Variants in PGAM5 observed in about 807,000 individuals in gnomAD.
PGAM5 encodes serine/threonine-protein phosphatase PGAM5, mitochondrial.
A neutral mutation model predicts 30.6 loss-of-function variants in PGAM5; 25 were observed. That is an observed-to-expected ratio of 0.82 (90% CI 0.60 to 1.14). PGAM5 has a LOEUF of 1.14. Among genes scored for constraint, PGAM5 ranks in the 50% most tolerant of loss-of-function variants. The pLI, the probability that PGAM5 is intolerant of heterozygous loss-of-function variation, is 0.00. For missense variants in PGAM5, 384 were observed against 408.5 expected, an observed-to-expected ratio of 0.94 and a Z score of 0.52; for synonymous variants, 201 against 179.1, an observed-to-expected ratio of 1.12 and a Z score of -0.98.
At chr12:132,711,289 C>A in intron 1 of PGAM5, 1 of 299,328 alleles carries the variant, frequency 3.3e-6, no homozygotes, top group Non-Finnish European at 6.0e-6. Context: ...AGCTCCGTCG[C>A]GTCCTCGCCC....
At chr12:132,720,562 T>A in intron 5 of PGAM5, 116 bp from the exon 6 acceptor site, 1 of 1,106,178 alleles carries the variant, frequency 9.0e-7, no homozygotes, top group Non-Finnish European at 1.3e-6. Flanking sequence ...CCGCCTGGCC[T>A]CCCAAAGTGC....
At chr12:132,711,702 C>T (rs561642463) in intron 1 of PGAM5, 1 of 151,954 alleles carries the variant, frequency 6.6e-6, no homozygotes, top group Non-Finnish European at 1.5e-5. Flanking sequence ...AGGAGGATCC[C>T]TTGAGTCCAG....
chr12:132,717,295 T>G, intron 2 of PGAM5, 144 bp from the exon 3 acceptor site: 5 of 905,302 alleles, frequency 5.5e-6, no homozygotes, highest in Non-Finnish European at 8.1e-6. Flanking sequence ...AGGGGTCGTG[T>G]TTGCGGGCGG....
chr12:132,714,174 A>T (rs994788932), intron 1 of PGAM5, among the ~76,000 whole-genome samples: 1 of 151,608 alleles, frequency 6.6e-6, no homozygotes, highest in Non-Finnish European at 1.5e-5. Context: ...TGTGCCACCA[A>T]GCCCGGCTAA....
At chr12:132,712,517 T>C (rs1199420654) in intron 1 of PGAM5, among the ~76,000 whole-genome samples, 2 of 152,120 alleles carry the variant, frequency 1.3e-5, no homozygotes, top group Non-Finnish European at 2.9e-5. Flanking sequence ...AGTGCAATGG[T>C]GCAATCTCGG....
chr12:132,717,638 G>C, intron 3 of PGAM5, 72 bp from the exon 4 acceptor site: 3 of 1,591,384 alleles, frequency 1.9e-6, no homozygotes. Flanking sequence ...CTGAGCTCCT[G>C]GCCACCGGGA....
chr12:132,711,729 A>G (rs929763701), intron 1 of PGAM5: 1 of 151,702 alleles, frequency 6.6e-6, no homozygotes, highest in Non-Finnish European at 1.5e-5. Flanking sequence ...CAGGCTGCAC[A>G]GTGTGAGCCG....
chr12:132,715,973 T>A (rs900797318), intron 2 of PGAM5, among the ~76,000 whole-genome samples: 3 of 152,216 alleles, frequency 2.0e-5, no homozygotes, highest in Admixed American at 6.5e-5. Flanking sequence ...ATTTTATACC[T>A]GCTTGATGCC....
At chr12:132,717,882 G>A in intron 4 of PGAM5, 84 bp downstream of exon 4, 2 of 1,595,254 alleles carry the variant, frequency 1.3e-6, no homozygotes, top group East Asian at 2.3e-5. Context: ...TCCACCACGT[G>A]CCCGGCCGTC....
intron 1 of PGAM5, among the ~76,000 whole-genome samples, chr12:132,713,507 A>G (rs781547254): frequency 4.6e-5 from 7 of 152,028 alleles, no homozygotes; most frequent in African/African-American, 7.2e-5. Context: ...ATACCTGCCA[A>G]TTTGAGTCTT....
Position 132,718,893 on chromosome 12 carries a change from G to C in PGAM5, c.719+773G>C, listed in dbSNP as rs567212997. ...GGGTGTCCGCTCCCCTCTGGGTCGA[G>C]GCCACAGCTGAGTCACGTTGCTGCT... On this transcript the variant is annotated intron_variant, in intron 5 of 5. Transcript: ENST00000498926. The C allele has an allele frequency of 7.5e-5, 120 of 1,602,244 alleles. No homozygotes were observed. The African/African-American group carries it at 1.5e-3, about 20-fold the overall frequency.
chr12:132,718,711 C>T (rs2043612856), intron 5 of PGAM5: 11 of 1,589,772 alleles, frequency 6.9e-6, no homozygotes, highest in Non-Finnish European at 8.6e-6. Context: ...GTCCTGTTTC[C>T]CCTCAAACTC....
In PGAM5 at chr12:132,715,004, C is replaced by T; in HGVS notation, c.338C>T (p.Ser113Phe). 3 of 1,613,110 alleles carry T rather than the reference C, an allele frequency of 1.9e-6. No individual in the cohort carries two copies. Among genetic ancestry groups the T allele is most frequent in the Non-Finnish European group, 2.5e-6 (3 of 1,179,896 alleles). Residue 113 changes from serine to phenylalanine, a missense_variant, in exon 2 of 6, where the codon TCC (serine) becomes TTC (phenylalanine). Ser to Phe is a radical substitution (Grantham distance 155, BLOSUM62 -2). Coordinates refer to ENST00000498926, the MANE Select transcript of PGAM5 (RefSeq NM_001170543.2). ...IRHSQYHVDGSLEKDRTLTPL... is the reference protein window; with the variant it reads ...IRHSQYHVDGFLEKDRTLTPL... ...CATTCCCAGTACCACGTGGATGGCTCCCTGGAGAAGGACCGCACTCTGACC... is the reference window on the plus strand; with the variant it reads ...CATTCCCAGTACCACGTGGATGGCTTCCTGGAGAAGGACCGCACTCTGACC...
rs772403405 is a variant in PGAM5, at chr12:132,717,789, G to T, written c.576G>T (p.Pro192=). The T allele has an allele frequency of 1.0e-5, 16 of 1,585,674 alleles. No homozygotes were observed. Among genetic ancestry groups the T allele is most frequent in the Non-Finnish European group, 1.4e-5 (16 of 1,166,106 alleles). The change falls in exon 4 of 6, where the codon CCG becomes CCT. Residue 192 remains proline (P), a synonymous_variant. Transcript: ENST00000498926. ...EPDPPVSHWK[P]EAVQYYEDGA... ...ACCCGCCCGTGTCTCATTGGAAGCC[G>T]GAAGCTGTGGTAAAAACCTCCCCGG...
chr12:132,718,954 C>G, intron 5 of PGAM5: 1 of 1,513,500 alleles, frequency 6.6e-7, no homozygotes, highest in Non-Finnish European at 8.8e-7. Flanking sequence ...GTCCCTCAAC[C>G]TGCTCTGGTG....
chr12:132,718,845 C>T, intron 5 of PGAM5: 1 of 1,613,258 alleles, frequency 6.2e-7, no homozygotes, highest in Non-Finnish European at 8.5e-7. Context: ...GCGCTCCCAC[C>T]CGTGTGCCAG....
chr12:132,717,979 G>T lies in PGAM5; in HGVS notation c.586-8G>T, dbSNP rs2043599986. On this transcript the variant is annotated splice_polypyrimidine_tract_variant and splice_region_variant and intron_variant, in intron 4 of 5. Transcript: ENST00000498926. ...TTCCGCACTGACGGCTCCTCACTCT[G>T]CCCCCAGCAGTATTACGAAGACGGA... 6.2e-6 allele frequency: 10 copies of T among 1,612,386 alleles called. No individual in the cohort carries two copies. Among genetic ancestry groups the T allele is most frequent in the Non-Finnish European group, 7.6e-6 (9 of 1,179,886 alleles).
At chr12:132,718,692 T>C (rs907802398) in intron 5 of PGAM5, 9 of 1,542,530 alleles carry the variant, frequency 5.8e-6, no homozygotes, top group South Asian at 5.6e-5. Flanking sequence ...TTTCCCTTTG[T>C]AATTGAACGT....
At chr12:132,714,604 A>G (rs1028755498) in intron 1 of PGAM5, 2 of 418,946 alleles carry the variant, frequency 4.8e-6, no homozygotes, top group African/African-American at 2.0e-5. Context: ...GCCTCTCATT[A>G]GAGAAGAAGA....
Sources: gnomAD v4.1 joint callset for allele counts (sites outside exome capture counted in the v4.1 genomes callset) on GRCh38, gnomAD v4.1.1 for gene constraint, MANE v1.5 for transcripts, NCBI Gene and HGNC (gene_info 2026-07-23, HGNC 2026-07-21) for gene names.